NOS1AP: variants seen among roughly 807,000 people sequenced by gnomAD.
NOS1AP encodes nitric oxide synthase 1 adaptor protein.
A neutral mutation model predicts 56.2 loss-of-function variants in NOS1AP; 21 were observed. The observed-to-expected ratio is 0.37, with a 90% CI of 0.26 to 0.54. The LOEUF is 0.54. Ranked by LOEUF, NOS1AP falls within the 20% of genes least tolerant of loss-of-function variation. The probability of loss-of-function intolerance (pLI) is 0.84; values close to 1 mark genes in which losing one functional copy is unlikely to be tolerated. For missense variants in NOS1AP, 522 were observed against 657.8 expected, an observed-to-expected ratio of 0.79 and a Z score of 2.26; for synonymous variants, 270 against 274.6, an observed-to-expected ratio of 0.98 and a Z score of 0.17.
intron 1 of NOS1AP, among the ~76,000 whole-genome samples, chr1:162,076,581 C>T (rs1691773946): frequency 6.6e-6 from 1 of 152,170 alleles, no homozygotes; most frequent in Admixed American, 6.5e-5. Flanking sequence ...AAAAGAAACA[C>T]TAGGCTGGGC....
chr1:162,355,327 G>A lies in NOS1AP; in HGVS notation c.736G>A (p.Glu246Lys). 6.2e-7 allele frequency: 1 copy of A among 1,614,170 alleles called. No homozygotes were observed. The highest frequency in any genetic ancestry group is 8.5e-7 in the Non-Finnish European group (1 of 1,180,034). ...GACTGATCTAGATGCTGTAGGGAAG[G>A]AAGGAGGCTCTCACACAGGCTCCAA... ...GVTDLDAVGK[E>K]GGSHTGSKVS... The change falls in exon 7 of 10, where the codon GAA becomes AAA. Residue 246 changes from glutamate (E) to lysine (K), a missense_variant. Physicochemically the swap from Glu to Lys is moderately conservative, Grantham distance 56 (BLOSUM62 1). This residue lies in a region of NOS1AP where 178 missense variants were observed against 165.0 expected (regional missense o/e 1.08). Transcript: ENST00000361897.
intron 1 of NOS1AP, among the ~76,000 whole-genome samples, chr1:162,142,934 C>A (rs1163286633): frequency 6.6e-6 from 1 of 152,112 alleles, no homozygotes; most frequent in Non-Finnish European, 1.5e-5. Context: ...GGGGAACATG[C>A]CAGTTATCTG....
At chr1:162,096,082 C>A (rs542094515) in intron 1 of NOS1AP, among the ~76,000 whole-genome samples, 1 of 152,188 alleles carries the variant, frequency 6.6e-6, no homozygotes, top group Non-Finnish European at 1.5e-5. Flanking sequence ...TTTTCTACCA[C>A]TAGCATTTAA....
intron 4 of NOS1AP, among the ~76,000 whole-genome samples, chr1:162,313,001 A>G (rs1190924244): frequency 1.3e-5 from 2 of 152,094 alleles, no homozygotes; most frequent in African/African-American, 2.4e-5. Context: ...AGAGCTATCT[A>G]TGACAAACCC....
At chr1:162,322,997 A>G (rs948427343) in intron 4 of NOS1AP, among the ~76,000 whole-genome samples, 4 of 152,238 alleles carry the variant, frequency 2.6e-5, no homozygotes, top group Non-Finnish European at 5.9e-5. Flanking sequence ...GAGTTGAAAT[A>G]TGTCCCTTAG....
Position 162,256,814 on chromosome 1 carries a change from C to CT in NOS1AP, c.178-30522dup, listed in dbSNP as rs1417289970. Among the ~76,000 whole-genome samples the CT allele has an allele frequency of 5.3e-5, 8 of 152,026 alleles. No homozygotes were observed. In the South Asian group the frequency reaches 8.3e-4, roughly 16 times the overall value. Reference sequence around the variant, plus strand: ...CTGAGTTTTGAAATGCCAGGGACGCCTTTTTTTTGTTTATTTCTGGTCATC... The same window carrying CT: ...CTGAGTTTTGAAATGCCAGGGACGCCTTTTTTTTTGTTTATTTCTGGTCATC... On this transcript the variant is annotated intron_variant, in intron 2 of 9. Coordinates refer to ENST00000361897, the MANE Select transcript of NOS1AP (RefSeq NM_014697.3).
chr1:162,170,825 C>T (rs1404527463), intron 2 of NOS1AP, among the ~76,000 whole-genome samples: 3 of 151,862 alleles, frequency 2.0e-5, no homozygotes, highest in African/African-American at 4.8e-5. Context: ...CCTGTAGTCC[C>T]ACACTCAAGA....
chr1:162,294,541 G>C (rs1157634616), intron 3 of NOS1AP, among the ~76,000 whole-genome samples: 1 of 152,152 alleles, frequency 6.6e-6, no homozygotes, highest in Non-Finnish European at 1.5e-5. Context: ...TCCAGAAAAT[G>C]TTTACTAATC....
At chr1:162,327,527 C>T (rs1048263247) in intron 4 of NOS1AP, among the ~76,000 whole-genome samples, 1 of 152,168 alleles carries the variant, frequency 6.6e-6, no homozygotes, top group Admixed American at 6.5e-5. Context: ...GATCATTAAG[C>T]AGATGGTCTG....
intron 2 of NOS1AP, among the ~76,000 whole-genome samples, chr1:162,206,784 A>G (rs866266406): frequency 6.6e-6 from 1 of 152,248 alleles, no homozygotes; most frequent in Non-Finnish European, 1.5e-5. Flanking sequence ...TAGTGTGACC[A>G]TGGGCAATTC....
At chr1:162,336,823 C>T (rs754617397) in intron 5 of NOS1AP, among the ~76,000 whole-genome samples, 80 of 152,114 alleles carry the variant, frequency 5.3e-4, no homozygotes, top group Non-Finnish European at 1.6e-4. Flanking sequence ...TGTGAAGTGA[C>T]GTCATCTTTA....
chr1:162,332,338 A>G (rs1435681367), intron 4 of NOS1AP, among the ~76,000 whole-genome samples: 1 of 152,116 alleles, frequency 6.6e-6, no homozygotes, highest in Non-Finnish European at 1.5e-5. Flanking sequence ...ATTTTTCTTC[A>G]TAGCACTTAT....
chr1:162,110,560 A>G (rs1004122172), intron 1 of NOS1AP, among the ~76,000 whole-genome samples: 7 of 152,108 alleles, frequency 4.6e-5, no homozygotes, highest in African/African-American at 7.2e-5. Context: ...CTATTTTATC[A>G]CACTACCTCT....
intron 1 of NOS1AP, among the ~76,000 whole-genome samples, chr1:162,105,532 G>A (rs1431323670): frequency 6.6e-6 from 1 of 152,198 alleles, no homozygotes; most frequent in Non-Finnish European, 1.5e-5. Flanking sequence ...CTGCAGAGAT[G>A]GTGGCCGCCT....
chr1:162,284,920 T>G (rs895183576), intron 2 of NOS1AP, among the ~76,000 whole-genome samples: 1 of 152,162 alleles, frequency 6.6e-6, no homozygotes, highest in African/African-American at 2.4e-5. Context: ...CTTCCAGAAA[T>G]ATAAGACATT....
chr1:162,320,760 A>G (rs1364660188), intron 4 of NOS1AP, among the ~76,000 whole-genome samples: 1 of 152,200 alleles, frequency 6.6e-6, no homozygotes, highest in African/African-American at 2.4e-5. Context: ...AGGCTGAGGC[A>G]GGAGAATCGC....
Position 162,130,902 on chromosome 1 carries a change from T to C in NOS1AP, c.106-23503T>C, listed in dbSNP as rs540546976. Among the ~76,000 whole-genome samples the C allele has an allele frequency of 1.6e-4, 24 of 152,352 alleles. 1 individual carries two copies. The East Asian group carries it at 4.6e-3, about 29-fold the overall frequency. ...TTGGATTGGGATCAAGTAGGTCGGG[T>C]AGTCCAGATTTGGCATCTACAAATT... On this transcript the variant is annotated intron_variant, in intron 1 of 9. Coordinates refer to ENST00000361897, the MANE Select transcript of NOS1AP (RefSeq NM_014697.3).
intron 2 of NOS1AP, among the ~76,000 whole-genome samples, chr1:162,163,847 G>A (rs1557812792): frequency 6.6e-6 from 1 of 152,144 alleles, no homozygotes. Flanking sequence ...AATACATAAT[G>A]AAAAATACAT....
At chr1:162,072,766 G>A (rs1048038909) in intron 1 of NOS1AP, among the ~76,000 whole-genome samples, 1 of 152,190 alleles carries the variant, frequency 6.6e-6, no homozygotes, top group Non-Finnish European at 1.5e-5. Context: ...CATGCTCCTG[G>A]TAAGAGCCTT....
Sources: allele counts gnomAD v4.1 joint callset (sites outside exome capture counted in the v4.1 genomes callset), GRCh38; gene constraint gnomAD v4.1.1; regional missense constraint gnomAD v4.1.1; transcripts MANE v1.5; gene names NCBI Gene and HGNC (gene_info 2026-07-23, HGNC 2026-07-21).